Variants in SLIRP observed in about 807,000 individuals in gnomAD.
SLIRP encodes SRA stem-loop interacting RNA binding protein.
SLIRP carries 12 observed loss-of-function variants against 13.4 expected under a neutral mutation model. The observed-to-expected ratio is 0.89, with a 90% CI of 0.57 to 1.45. The LOEUF (loss-of-function observed/expected upper bound fraction) is 1.45. SLIRP is among the 40% of genes most tolerant of loss of function. The pLI, the probability that SLIRP is intolerant of heterozygous loss-of-function variation, is 0.00. For synonymous variants in SLIRP, 55 were observed against 47.1 expected, an observed-to-expected ratio of 1.17 and a Z score of -0.69; for missense variants, 154 against 132.2, an observed-to-expected ratio of 1.17 and a Z score of -0.81.
chr14:77,708,245 G>T, intron 1 of SLIRP, 37 bp downstream of exon 1: 2 of 1,598,454 alleles, frequency 1.3e-6, no homozygotes, highest in South Asian at 2.2e-5. Flanking sequence ...GGAATTTTTA[G>T]GTCCAAGTGA....
At chr14:77,711,700 CAT>C (rs2080441789) in intron 2 of SLIRP, 4 of 152,336 alleles carry the variant, frequency 2.6e-5, no homozygotes, top group Admixed American at 2.6e-4. Flanking sequence ...GGACTACAGG[CAT>C]GCACCACCAC....
intron 3 of SLIRP, among the ~76,000 whole-genome samples, chr14:77,716,505 G>T (rs545784673): frequency 6.6e-6 from 1 of 151,496 alleles, no homozygotes; most frequent in East Asian, 2.0e-4. Flanking sequence ...AAAAAAATTA[G>T]ATGGGCGTGG....
chr14:77,710,361 C>G (rs891402750), intron 1 of SLIRP, among the ~76,000 whole-genome samples: 1 of 152,060 alleles, frequency 6.6e-6, no homozygotes, highest in East Asian at 1.9e-4. Context: ...AAAGATAATT[C>G]AATTAGTTGT....
intron 2 of SLIRP, among the ~76,000 whole-genome samples, chr14:77,713,460 A>G (rs557874841): frequency 6.6e-6 from 1 of 152,330 alleles, no homozygotes; most frequent in African/African-American, 2.4e-5. Flanking sequence ...AAAGACTAAC[A>G]GATTAGTTAT....
chr14:77,710,661 G>GT, intron 1 of SLIRP, 177 bp from the exon 2 acceptor site: 7 of 1,537,728 alleles, frequency 4.6e-6, no homozygotes, highest in Non-Finnish European at 6.1e-6. Context: ...TCACCACCAA[G>GT]TCTGGTACAT....
intron 2 of SLIRP, among the ~76,000 whole-genome samples, chr14:77,715,339 T>C (rs28684789): frequency 0.01 from 1,538 of 152,260 alleles, 34 homozygotes; most frequent in African/African-American, 0.035. Flanking sequence ...CTGACACTTA[T>C]AAATGTCTGT....
rs756879419 is a variant in SLIRP, at chr14:77,717,554, ATTTT to A, written c.325_328del (p.Phe109GlufsTer6). On this transcript the variant is annotated frameshift_variant, in exon 4 of 4. Transcript: ENST00000557342. LOFTEE classifies it high-confidence loss of function. ...CAAACATCTGATGATGAAAAGAAAGATTTTTGAGACTGCAGCCTATTAATAAAGT... is the reference window on the plus strand; with the variant it reads ...CAAACATCTGATGATGAAAAGAAAGATGAGACTGCAGCCTATTAATAAAGT... The A allele has an allele frequency of 1.7e-5, 27 of 1,613,594 alleles. No individual in the cohort carries two copies. The highest frequency in any genetic ancestry group is 2.1e-5 in the Non-Finnish European group (25 of 1,179,714).
chr14:77,708,299 G>A, intron 1 of SLIRP, 91 bp downstream of exon 1: 1 of 1,323,946 alleles, frequency 7.6e-7, no homozygotes, highest in East Asian at 2.3e-5. Flanking sequence ...AGTCAGCGTG[G>A]TGGCTGAATT....
chr14:77,715,160 G>C (rs2080466917), intron 2 of SLIRP, among the ~76,000 whole-genome samples: 1 of 151,966 alleles, frequency 6.6e-6, no homozygotes, highest in African/African-American at 2.4e-5. Context: ...CTTAGAACAA[G>C]AGTACTGATC....
chr14:77,714,328 C>G (rs978971332), intron 2 of SLIRP, among the ~76,000 whole-genome samples: 1 of 151,680 alleles, frequency 6.6e-6, no homozygotes, highest in African/African-American at 2.4e-5. Flanking sequence ...TTTGAGACAG[C>G]CTTGCTCTGT....
chr14:77,714,339 C>T (rs545794628), intron 2 of SLIRP, among the ~76,000 whole-genome samples: 3 of 152,152 alleles, frequency 2.0e-5, no homozygotes, highest in South Asian at 2.1e-4. Flanking sequence ...CTTGCTCTGT[C>T]GCCCAGGCTG....
chr14:77,711,458 G>A (rs1333717308), intron 2 of SLIRP, among the ~76,000 whole-genome samples: 4 of 152,054 alleles, frequency 2.6e-5, no homozygotes, highest in African/African-American at 9.7e-5. Flanking sequence ...CTGAGTAGCT[G>A]GGACTATAGA....
At chr14:77,708,319 C>T in intron 1 of SLIRP, 111 bp downstream of exon 1, 1 of 1,069,576 alleles carries the variant, frequency 9.3e-7, no homozygotes, top group Non-Finnish European at 1.4e-6. Context: ...TAGGAGACTG[C>T]TCCTGAGCAT....
intron 2 of SLIRP, among the ~76,000 whole-genome samples, chr14:77,714,875 G>C (rs1396916281): frequency 4.6e-5 from 7 of 152,154 alleles, no homozygotes; most frequent in Non-Finnish European, 1.5e-5. Flanking sequence ...TCTGTTTTCT[G>C]TCGAAGGGCT....
chr14:77,715,078 T>TGA, intron 2 of SLIRP, among the ~76,000 whole-genome samples: 1 of 152,280 alleles, frequency 6.6e-6, no homozygotes, highest in South Asian at 2.1e-4. Flanking sequence ...GTGGTGGTGG[T>TGA]GAGGGTGACT....
chr14:77,717,126 T>C (rs928046959), intron 3 of SLIRP, among the ~76,000 whole-genome samples: 3 of 151,744 alleles, frequency 2.0e-5, no homozygotes, highest in African/African-American at 7.2e-5. Flanking sequence ...CACCATGTGA[T>C]CCTGGGCCAA....
chr14:77,717,089 A>C (rs1053084607), intron 3 of SLIRP, among the ~76,000 whole-genome samples: 1 of 152,146 alleles, frequency 6.6e-6, no homozygotes, highest in East Asian at 1.9e-4. Flanking sequence ...CAGGTCAGGC[A>C]AGCTGGGGCT....
chr14:77,713,810 AAACTTC>A (rs2080457311), intron 2 of SLIRP, among the ~76,000 whole-genome samples: 1 of 152,180 alleles, frequency 6.6e-6, no homozygotes, highest in Non-Finnish European at 1.5e-5. Flanking sequence ...GTAAGTTTGA[AAACTTC>A]AATTTTTTCA....
chr14:77,713,879 T>A (rs2139879568), intron 2 of SLIRP, among the ~76,000 whole-genome samples: 2 of 152,268 alleles, frequency 1.3e-5, no homozygotes, highest in Middle Eastern at 6.8e-3. Flanking sequence ...TTTTTATTGG[T>A]CCATAAATAA....
Sources: gnomAD v4.1 joint callset for allele counts (sites outside exome capture counted in the v4.1 genomes callset) on GRCh38, gnomAD v4.1.1 for gene constraint, MANE v1.5 for transcripts, NCBI Gene and HGNC (gene_info 2026-07-23, HGNC 2026-07-21) for gene names.